Variants in TBC1D8 observed in about 807,000 individuals in gnomAD.
The protein encoded by TBC1D8 is TBC1 domain family member 8.
TBC1D8 carries 65 observed loss-of-function variants against 118.8 expected under a neutral mutation model. The ratio of observed to expected loss-of-function variants is 0.55; its 90% CI spans 0.45 to 0.67. The LOEUF is 0.67. Ranked by LOEUF, TBC1D8 falls within the 30% of genes least tolerant of loss-of-function variation. The pLI, the probability that TBC1D8 is intolerant of heterozygous loss-of-function variation, is 0.00. For missense variants in TBC1D8, 1,376 were observed against 1,471.2 expected (o/e 0.94, Z 1.06); for synonymous variants, 566 against 595.8 (o/e 0.95, Z 0.73).
Position 101,151,112 on chromosome 2 carries a change from C to A in TBC1D8, c.127+15G>T. On this transcript the variant is annotated intron_variant, in intron 1 of 19. Coordinates refer to ENST00000409318, the MANE Select transcript of TBC1D8 (RefSeq NM_001330348.2). ...CCGGGCCCGGCCGCCGCGCCCGCCC[C>A]GGCGAGCCCCTTACCGGTGAGGCGG... The A allele has an allele frequency of 9.6e-7, 1 of 1,042,364 alleles. No homozygotes were observed. The highest frequency in any genetic ancestry group is 1.2e-6 in the Non-Finnish European group (1 of 858,904). The allele number at this position is 1,042,364 out of a possible 1,614,324, so 64.6% of individuals were successfully genotyped here.
chr2:101,137,113 A>G (rs1573103165), intron 1 of TBC1D8, among the ~76,000 whole-genome samples: 1 of 149,698 alleles, frequency 6.7e-6, no homozygotes, highest in Admixed American at 6.7e-5. Flanking sequence ...GCTCATCACA[A>G]CCTCCGCCTC....
chr2:101,018,947 C>A, intron 17 of TBC1D8: 2 of 1,598,014 alleles, frequency 1.3e-6, no homozygotes, highest in East Asian at 2.2e-5. Flanking sequence ...TGCTCTTCGT[C>A]TGTGTGTTAC....
intron 5 of TBC1D8, among the ~76,000 whole-genome samples, chr2:101,047,007 T>C (rs1192663336): frequency 6.6e-6 from 1 of 152,202 alleles, no homozygotes; most frequent in Non-Finnish European, 1.5e-5. Flanking sequence ...CACCCCACCA[T>C]TCCCAACTTT....
intron 1 of TBC1D8, among the ~76,000 whole-genome samples, chr2:101,099,129 GAAGA>G (rs1676661735): frequency 6.7e-6 from 1 of 150,200 alleles, no homozygotes; most frequent in Admixed American, 6.6e-5. Flanking sequence ...GACTAATAAA[GAAGA>G]GAGAGAAGAA....
At chr2:101,136,891 T>C (rs1407608951) in intron 1 of TBC1D8, among the ~76,000 whole-genome samples, 1 of 152,222 alleles carries the variant, frequency 6.6e-6, no homozygotes, top group Non-Finnish European at 1.5e-5. Flanking sequence ...TATGCTCCCA[T>C]GGTGGGTAAA....
At chr2:101,052,809 C>A (rs1416124240) in intron 4 of TBC1D8, among the ~76,000 whole-genome samples, 3 of 152,158 alleles carry the variant, frequency 2.0e-5, no homozygotes, top group African/African-American at 4.8e-5. Context: ...TTTACCATTT[C>A]TTTCCATTTA....
intron 1 of TBC1D8, among the ~76,000 whole-genome samples, chr2:101,105,607 A>AATAT (rs766935427): frequency 1.4e-5 from 1 of 72,480 alleles, no homozygotes; most frequent in African/African-American, 5.1e-5. Flanking sequence ...AAAAAAAAAA[A>AATAT]ACATATATAT....
chr2:101,044,573 A>G (rs1406306779), intron 5 of TBC1D8, among the ~76,000 whole-genome samples: 1 of 152,170 alleles, frequency 6.6e-6, no homozygotes, highest in East Asian at 1.9e-4. Flanking sequence ...TGATGACCTG[A>G]CATTCAGAAC....
intron 1 of TBC1D8, among the ~76,000 whole-genome samples, chr2:101,146,256 G>C (rs1679313322): frequency 6.6e-6 from 1 of 152,110 alleles, no homozygotes; most frequent in South Asian, 2.1e-4. Context: ...GATTCTTAAT[G>C]AACAGACTTA....
intron 6 of TBC1D8, among the ~76,000 whole-genome samples, chr2:101,039,797 T>C (rs188577291): frequency 1.3e-3 from 197 of 152,320 alleles, no homozygotes; most frequent in Non-Finnish European, 1.6e-3. Context: ...GGTTGCTTTT[T>C]TTTTTCCTTT....
chr2:101,027,026 CA>C (rs1680376961), intron 15 of TBC1D8, among the ~76,000 whole-genome samples: 1 of 152,142 alleles, frequency 6.6e-6, no homozygotes, highest in Non-Finnish European at 1.5e-5. Flanking sequence ...GTGATGATTT[CA>C]AAAAGGGTCA....
chr2:101,029,872 A>AT, intron 11 of TBC1D8, 96 bp from the exon 12 acceptor site: 2 of 1,344,586 alleles, frequency 1.5e-6, no homozygotes, highest in Non-Finnish European at 2.0e-6. Context: ...CAGAACAAAG[A>AT]GATGGAATTT....
At chr2:101,116,060 T>C (rs1338521207) in intron 1 of TBC1D8, among the ~76,000 whole-genome samples, 1 of 152,216 alleles carries the variant, frequency 6.6e-6, no homozygotes, top group East Asian at 1.9e-4. Flanking sequence ...TTGTTATAGC[T>C]ATAAGAACGG....
At position 101,040,503 on chromosome 2, in the gene TBC1D8, T is replaced by C. The variant is rs183433760; in HGVS notation, c.873-118A>G. Reference sequence around the variant, plus strand: ...TTTTATTTTTGAGACAGAGTCTCGCTCTGTCGCCCAGGATGGAGTGCAGTG... The same window carrying C: ...TTTTATTTTTGAGACAGAGTCTCGCCCTGTCGCCCAGGATGGAGTGCAGTG... On this transcript the variant is annotated intron_variant, in intron 5 of 19. Coordinates refer to ENST00000409318, the MANE Select transcript of TBC1D8 (RefSeq NM_001330348.2). 3,557 of 1,075,530 alleles carry C rather than the reference T, an allele frequency of 3.3e-3. 14 individuals carry two copies. The highest frequency in any genetic ancestry group is 4.9e-3 in the Admixed American group (211 of 43,002). 66.6% of individuals were successfully genotyped at this position (1,075,530 alleles called of 1,614,324 possible).
At chr2:101,108,305 T>C (rs1475091260) in intron 1 of TBC1D8, among the ~76,000 whole-genome samples, 1 of 152,170 alleles carries the variant, frequency 6.6e-6, no homozygotes, top group Non-Finnish European at 1.5e-5. Flanking sequence ...TCTGAGAAAC[T>C]GTCCCAGCCA....
intron 1 of TBC1D8, among the ~76,000 whole-genome samples, chr2:101,140,744 C>T (rs1015274555): frequency 2.0e-5 from 3 of 149,878 alleles, no homozygotes; most frequent in African/African-American, 4.9e-5. Context: ...CTCCAAATAA[C>T]ACATCTATAT....
rs552401117 is a variant in TBC1D8, at chr2:101,034,470, T to G, written c.1604-712A>C. 4.6e-5 allele frequency among the ~76,000 whole-genome samples: 7 copies of G among 152,308 alleles called. No individual in the cohort carries two copies. The South Asian group carries it at 8.3e-4, about 18-fold the overall frequency. On this transcript the variant is annotated intron_variant, in intron 9 of 19. Coordinates refer to ENST00000409318, the MANE Select transcript of TBC1D8 (RefSeq NM_001330348.2). ...CCACATGCAACTCTGAAGTCAGGTC[T>G]GAGATGCACAAACTGCAGCAGAAGT... is the stretch of plus-strand genomic sequence containing the variant.
At chr2:101,050,290 A>C in intron 5 of TBC1D8, 111 bp downstream of exon 5, 11 of 1,436,704 alleles carry the variant, frequency 7.7e-6, no homozygotes, top group Non-Finnish European at 6.5e-6. Flanking sequence ...CCACAAGGGA[A>C]ATTTAAATCT....
At chr2:101,013,936 A>G (rs902147094) in intron 17 of TBC1D8, among the ~76,000 whole-genome samples, 5 of 152,258 alleles carry the variant, frequency 3.3e-5, no homozygotes, top group African/African-American at 1.2e-4. Flanking sequence ...ATCAAATTAT[A>G]GCAGCGAGGC....
Sources: gnomAD v4.1 joint callset for allele counts (sites outside exome capture counted in the v4.1 genomes callset) on GRCh38, gnomAD v4.1.1 for gene constraint, MANE v1.5 for transcripts, NCBI Gene and HGNC (gene_info 2026-07-23, HGNC 2026-07-21) for gene names.